The following CAPN5 variants were observed in gnomAD, a reference collection of about 807,000 sequenced individuals.
CAPN5 encodes the protein calpain 5.
In CAPN5, 54 loss-of-function variants were observed where a neutral mutation model predicts 73.0. That is an observed-to-expected ratio of 0.74 (90% CI 0.59 to 0.93). CAPN5 has a LOEUF of 0.93. CAPN5 is among the 40% of genes least tolerant of loss of function. The pLI is 0.00. For synonymous variants in CAPN5, 335 were observed against 356.9 expected, an observed-to-expected ratio of 0.94 and a Z score of 0.69; for missense variants, 785 against 882.9, an observed-to-expected ratio of 0.89 and a Z score of 1.41.
Position 77,123,989 on chromosome 11 carries a change from G to A in CAPN5, c.*119G>A. ...CCTTTTCCCACTCTTCCACTGACTT[G>A]CTGTGTGACCTTAGGAAGTCTCTGC... On this transcript the variant is annotated 3_prime_UTR_variant, in exon 13 of 13. Transcript: ENST00000648180. 1 of 944,698 alleles carries A rather than the reference G, an allele frequency of 1.1e-6. No homozygotes were observed. The highest frequency in any genetic ancestry group is 1.6e-6 in the Non-Finnish European group (1 of 632,636). The allele number at this position is 944,698 out of a possible 1,614,324, so 58.5% of individuals were successfully genotyped here.
At chr11:77,114,580 G>A (rs782814566) in intron 5 of CAPN5, 146 bp downstream of exon 5, 2 of 745,648 alleles carry the variant, frequency 2.7e-6, no homozygotes, top group Non-Finnish European at 4.6e-6. Context: ...GTTGGAAGGT[G>A]CAACCCCCTG....
rs782490286 is a variant in CAPN5 at position 77,087,057 on chromosome 11, G to C, written c.165+2006G>C. 3.9e-3 allele frequency among the ~76,000 whole-genome samples: 587 copies of C among 152,354 alleles called. 5 individuals carry two copies. The highest frequency in any genetic ancestry group is 0.013 in the African/African-American group (561 of 41,574). Reference sequence around the variant, plus strand: ...GATGTGGGGGCAGGTGACAGAGAGCGTATGGTGGCTGGTGTTCAGAGAGCT... The same window carrying C: ...GATGTGGGGGCAGGTGACAGAGAGCCTATGGTGGCTGGTGTTCAGAGAGCT... On this transcript the variant is annotated intron_variant, in intron 2 of 12. Transcript: ENST00000648180.
intron 3 of CAPN5, among the ~76,000 whole-genome samples, chr11:77,101,131 G>GTTCA (rs1208655991): frequency 2.0e-5 from 3 of 152,144 alleles, no homozygotes; most frequent in African/African-American, 4.8e-5. Flanking sequence ...TCATTCATCC[G>GTTCA]TTCATTCATT....
Position 77,099,693 on chromosome 11 carries a change from TGAGAGGGAGACCGTGGGGAGAGG to T in CAPN5, c.297+5892_297+5914del, listed in dbSNP as rs1463738355. Among the ~76,000 whole-genome samples, 8 of 133,178 alleles carry T rather than the reference TGAGAGGGAGACCGTGGGGAGAGG, an allele frequency of 6.0e-5. No individual in the cohort carries two copies. In the South Asian group the frequency reaches 1.2e-3, roughly 19 times the overall value. 87.4% of individuals were successfully genotyped at this position (133,178 alleles called of 152,430 possible). A position where few individuals can be genotyped will look rare whatever the true frequency, so the allele number is the denominator to read the frequency against. On this transcript the variant is annotated intron_variant, in intron 3 of 12. Coordinates refer to ENST00000648180, the MANE Select transcript of CAPN5 (RefSeq NM_004055.5). Reference sequence around the variant, plus strand: ...AGTACAGTCCAGCTTCGGCTCCACATGAGAGGGAGACCGTGGGGAGAGGGAGAGGGAGACGGAGAGGGAGAGGG... The same window carrying T: ...AGTACAGTCCAGCTTCGGCTCCACATGAGAGGGAGACGGAGAGGGAGAGGG...
At chr11:77,103,282 G>T (rs782549096) in intron 3 of CAPN5, 1 of 1,612,794 alleles carries the variant, frequency 6.2e-7, no homozygotes, top group African/African-American at 1.3e-5. Context: ...TTTGGCGAGG[G>T]TGTGGAGCCC....
At chr11:77,113,107 C>T (rs1417720037) in intron 4 of CAPN5, among the ~76,000 whole-genome samples, 3 of 152,232 alleles carry the variant, frequency 2.0e-5, no homozygotes, top group Admixed American at 6.5e-5. Context: ...GGACCATTCT[C>T]GAAGGTTCAT....
In CAPN5 at chr11:77,085,019, C is replaced by T. The variant is rs576151085; in HGVS notation, c.133C>T (p.Pro45Ser). 8 of 1,613,570 alleles carry T rather than the reference C, an allele frequency of 5.0e-6. No homozygotes were observed. The East Asian group carries it at 8.9e-5, about 18-fold the overall frequency. ...CGACTCACTCTACTATAAGGGCACG[C>T]CGGGGCCCGCCGTCAGGTGGAAGCG... ...TDDSLYYKGT[P>S]GPAVRWKRPK... The change falls in exon 2 of 13, where the codon CCG becomes TCG. Residue 45 changes from proline (P) to serine (S), a missense_variant. Physicochemically the swap from Pro to Ser is moderately conservative, Grantham distance 74. Transcript: ENST00000648180.
At position 77,108,688 on chromosome 11, in the gene CAPN5, C is replaced by T. The variant is rs532111897; in HGVS notation, c.298-3901C>T. ...CCTGCACTTTGCCCAGACAGCATCT[C>T]ATTTCATCTGTAAATATTTCCGGAT... On this transcript the variant is annotated intron_variant, in intron 3 of 12. Transcript: ENST00000648180. Among the ~76,000 whole-genome samples, 6 of 151,612 alleles carry T rather than the reference C, an allele frequency of 4.0e-5. No homozygotes were observed. In the South Asian group the frequency reaches 1.3e-3, roughly 32 times the overall value.
intron 10 of CAPN5, among the ~76,000 whole-genome samples, chr11:77,121,439 C>G (rs894831635): frequency 1.3e-5 from 2 of 152,256 alleles, no homozygotes; most frequent in Admixed American, 6.5e-5. Flanking sequence ...AGCCCAGGCT[C>G]GGTGTCCCCT....
At chr11:77,114,762 A>G (rs782725299) in intron 5 of CAPN5, among the ~76,000 whole-genome samples, 4 of 152,166 alleles carry the variant, frequency 2.6e-5, no homozygotes, top group Non-Finnish European at 5.9e-5. Context: ...TTCAAACCCA[A>G]CTTTAGCAGA....
intron 1 of CAPN5, among the ~76,000 whole-genome samples, chr11:77,069,378 T>G (rs1296518638): frequency 5.9e-5 from 9 of 152,080 alleles, no homozygotes; most frequent in African/African-American, 2.2e-4. Flanking sequence ...GGGGCTGACT[T>G]TGGGAGAAGA....
chr11:77,103,293 G>T (rs782432970), intron 3 of CAPN5: 2 of 1,612,390 alleles, frequency 1.2e-6, no homozygotes. Flanking sequence ...TGTGGAGCCC[G>T]CCAACCTCAA....
rs782290995 is a variant in CAPN5 at position 77,085,069 on chromosome 11, G to C, written c.165+18G>C. On this transcript the variant is annotated intron_variant, in intron 2 of 12. Transcript: ENST00000648180. The stretch of plus-strand genomic sequence containing the variant: ...GACCCAAGGTCAGTGTCTGGTCCCA[G>C]CTGGAGCTGGGTGAGCGGGCCCAGG... 1.9e-6 allele frequency: 3 copies of C among 1,611,016 alleles called. No homozygotes were observed. The highest frequency in any genetic ancestry group is 2.2e-5 in the South Asian group (2 of 91,026).
At chr11:77,076,545 A>G (rs1454181332) in intron 1 of CAPN5, among the ~76,000 whole-genome samples, 4 of 152,124 alleles carry the variant, frequency 2.6e-5, no homozygotes, top group Non-Finnish European at 4.4e-5. Context: ...GTTCCTGTTA[A>G]CCACCATTTT....
chr11:77,094,179 G>A (rs551279619), intron 3 of CAPN5, among the ~76,000 whole-genome samples: 2 of 152,362 alleles, frequency 1.3e-5, no homozygotes, highest in Middle Eastern at 6.8e-3. Context: ...GACAGACACA[G>A]ACCTGCTGTG....
chr11:77,119,482 C>A (rs1328395373), intron 9 of CAPN5: 1 of 312,642 alleles, frequency 3.2e-6, no homozygotes, highest in Non-Finnish European at 6.1e-6. Context: ...TCTACTGGGC[C>A]CCCACTGCTC....
intron 5 of CAPN5, among the ~76,000 whole-genome samples, chr11:77,114,819 G>A (rs1419374045): frequency 2.0e-5 from 3 of 152,130 alleles, no homozygotes; most frequent in Non-Finnish European, 2.9e-5. Flanking sequence ...AAAAAGCCCC[G>A]GTTTGTAGCA....
chr11:77,112,948 G>A (rs1950427338), intron 4 of CAPN5, 151 bp downstream of exon 4: 2 of 719,556 alleles, frequency 2.8e-6, no homozygotes, highest in Admixed American at 2.3e-5. Flanking sequence ...CAGGCCTGAG[G>A]GCATAGTCAG....
chr11:77,096,956 C>T (rs1002764242), intron 3 of CAPN5, among the ~76,000 whole-genome samples: 1 of 152,136 alleles, frequency 6.6e-6, no homozygotes, highest in Non-Finnish European at 1.5e-5. Context: ...GGCGCGGTGG[C>T]TCACGCCTGT....
Sources: allele counts gnomAD v4.1 joint callset (sites outside exome capture counted in the v4.1 genomes callset), GRCh38; gene constraint gnomAD v4.1.1; transcripts MANE v1.5; gene names NCBI Gene and HGNC (gene_info 2026-07-23, HGNC 2026-07-21).